LSAMP: variants seen among roughly 807,000 people sequenced by gnomAD.
LSAMP encodes the protein limbic system associated membrane protein.
Under a neutral mutation model 38.6 loss-of-function variants are expected in LSAMP, and 7 were observed. The observed-to-expected ratio is 0.18, with a 90% CI of 0.10 to 0.34. The LOEUF (loss-of-function observed/expected upper bound fraction) is 0.34. Among genes scored for constraint, LSAMP ranks in the 10% least tolerant of loss-of-function variants. The pLI is 1.00. For missense variants in LSAMP, 313 were observed against 420.0 expected (o/e 0.75, Z 2.23); for synonymous variants, 154 against 166.8 (o/e 0.92, Z 0.59).
intron 3 of LSAMP, among the ~76,000 whole-genome samples, chr3:115,990,930 T>C (rs1431384552): frequency 6.6e-6 from 1 of 152,104 alleles, no homozygotes; most frequent in Non-Finnish European, 1.5e-5. Context: ...GTGATTTTGA[T>C]ATAAGTAGCC....
intron 1 of LSAMP, among the ~76,000 whole-genome samples, chr3:116,159,150 A>C (rs1709824667): frequency 6.6e-6 from 1 of 152,152 alleles, no homozygotes; most frequent in East Asian, 1.9e-4. Flanking sequence ...AGCTATAAAA[A>C]TCCTTGAAGA....
At chr3:115,882,917 C>T (rs1207970160) in intron 3 of LSAMP, among the ~76,000 whole-genome samples, 2 of 151,988 alleles carry the variant, frequency 1.3e-5, no homozygotes, top group Non-Finnish European at 2.9e-5. Flanking sequence ...CCACTTGTAT[C>T]CTTATGCTCA....
chr3:115,859,837 C>T (rs941425693), intron 3 of LSAMP, among the ~76,000 whole-genome samples: 2 of 152,238 alleles, frequency 1.3e-5, no homozygotes, highest in Non-Finnish European at 2.9e-5. Context: ...GCCATGCATG[C>T]ATCCTTTTTT....
chr3:116,305,625 T>G (rs770341813), intron 1 of LSAMP, among the ~76,000 whole-genome samples: 2 of 152,020 alleles, frequency 1.3e-5, no homozygotes, highest in Non-Finnish European at 2.9e-5. Flanking sequence ...GATATGAAAG[T>G]GCAAATATCA....
chr3:116,149,840 T>C (rs937555976), intron 1 of LSAMP, among the ~76,000 whole-genome samples: 8 of 152,026 alleles, frequency 5.3e-5, no homozygotes, highest in Non-Finnish European at 1.5e-5. Flanking sequence ...GCATTTCTTA[T>C]ACACATACTG....
chr3:116,200,846 G>A (rs968207122), intron 1 of LSAMP, among the ~76,000 whole-genome samples: 1 of 152,102 alleles, frequency 6.6e-6, no homozygotes, highest in Non-Finnish European at 1.5e-5. Context: ...CCCCTTTCTT[G>A]TTCTCTTCTA....
rs539443856 is a variant in LSAMP at position 116,373,417 on chromosome 3, A to G, written c.155+71460T>C. On this transcript the variant is annotated intron_variant, in intron 1 of 6. Coordinates refer to ENST00000490035, the MANE Select transcript of LSAMP (RefSeq NM_002338.5). ...GAAAGTAGGATGGTGGCTTCTAGGA[A>G]CTGGAAAGAAGAAGGAATGGGGAGT... Among the ~76,000 whole-genome samples the G allele has an allele frequency of 2.0e-5, 3 of 151,840 alleles. No individual in the cohort carries two copies. The East Asian group carries it at 5.8e-4, about 29-fold the overall frequency.
At chr3:116,155,994 G>A (rs1385538759) in intron 1 of LSAMP, among the ~76,000 whole-genome samples, 3 of 152,168 alleles carry the variant, frequency 2.0e-5, no homozygotes, top group Admixed American at 2.0e-4. Flanking sequence ...GGAACATGTG[G>A]CAGGGCTCTG....
chr3:115,820,089 G>T (rs1934180562), intron 6 of LSAMP, among the ~76,000 whole-genome samples: 1 of 147,798 alleles, frequency 6.8e-6, no homozygotes, highest in Non-Finnish European at 1.5e-5. Context: ...ATTTTCTGTT[G>T]TTATAGACAG....
At chr3:116,260,578 T>A (rs1475691099) in intron 1 of LSAMP, among the ~76,000 whole-genome samples, 1 of 152,304 alleles carries the variant, frequency 6.6e-6, no homozygotes, top group Non-Finnish European at 1.5e-5. Flanking sequence ...GACCACGGCA[T>A]AATCTTCTAG....
intron 1 of LSAMP, among the ~76,000 whole-genome samples, chr3:116,255,961 A>C (rs917642250): frequency 6.6e-6 from 1 of 151,892 alleles, no homozygotes; most frequent in African/African-American, 2.4e-5. Context: ...ACACCAGTGG[A>C]TTGTATATAT....
At chr3:116,200,282 A>G (rs548827588) in intron 1 of LSAMP, among the ~76,000 whole-genome samples, 1 of 152,224 alleles carries the variant, frequency 6.6e-6, no homozygotes, top group Non-Finnish European at 1.5e-5. Context: ...GGAGAGGAGG[A>G]ATAATAACTG....
Position 116,216,911 on chromosome 3 carries a change from T to C in LSAMP, c.156-130355A>G, listed in dbSNP as rs561543766. Among the ~76,000 whole-genome samples, 12 of 152,328 alleles carry C rather than the reference T, an allele frequency of 7.9e-5. No individual in the cohort carries two copies. In the East Asian group the frequency reaches 2.3e-3, roughly 29 times the overall value. ...AGGAAGAGGAATGCCTGTTCTTATG[T>C]ACTGTTCAGAACCATGATGGAAGAA... On this transcript the variant is annotated intron_variant, in intron 1 of 6. Coordinates refer to ENST00000490035, the MANE Select transcript of LSAMP (RefSeq NM_002338.5).
chr3:116,293,291 T>C (rs1441110987), intron 1 of LSAMP, among the ~76,000 whole-genome samples: 1 of 152,242 alleles, frequency 6.6e-6, no homozygotes, highest in East Asian at 1.9e-4. Context: ...TTTTAAATTC[T>C]AATGGTGGGC....
intron 1 of LSAMP, among the ~76,000 whole-genome samples, chr3:116,248,611 G>T (rs946368380): frequency 6.6e-6 from 1 of 150,850 alleles, no homozygotes; most frequent in Non-Finnish European, 1.5e-5. Context: ...TGTCAAAAAC[G>T]CAGGGAAAGG....
At chr3:116,368,112 G>T (rs1436795925) in intron 1 of LSAMP, 2 of 152,178 alleles carry the variant, frequency 1.3e-5, no homozygotes, top group Non-Finnish European at 2.9e-5. Flanking sequence ...TTTTAAAAAT[G>T]CTGTAATAAT....
intron 1 of LSAMP, among the ~76,000 whole-genome samples, chr3:116,264,479 TGA>T (rs1419368733): frequency 6.6e-6 from 1 of 152,204 alleles, no homozygotes; most frequent in Middle Eastern, 3.2e-3. Flanking sequence ...CCAGACTCTC[TGA>T]GAGGCTCATG....
At chr3:115,930,537 T>G (rs940319662) in intron 3 of LSAMP, among the ~76,000 whole-genome samples, 23 of 152,170 alleles carry the variant, frequency 1.5e-4, no homozygotes, top group African/African-American at 5.6e-4. Context: ...CAGTACACAG[T>G]AAGTAGAAAG....
chr3:115,915,081 G>A (rs1937219157), intron 3 of LSAMP, among the ~76,000 whole-genome samples: 1 of 152,188 alleles, frequency 6.6e-6, no homozygotes, highest in Non-Finnish European at 1.5e-5. Flanking sequence ...TTTGAAAAGG[G>A]ATGTCCTCTT....
Sources: gnomAD v4.1 joint callset for allele counts (sites outside exome capture counted in the v4.1 genomes callset) on GRCh38, gnomAD v4.1.1 for gene constraint, MANE v1.5 for transcripts, NCBI Gene and HGNC (gene_info 2026-07-23, HGNC 2026-07-21) for gene names.